The following PTPRD variants were observed in gnomAD, a reference collection of about 807,000 sequenced individuals.
PTPRD encodes the protein receptor-type tyrosine-protein phosphatase delta.
A neutral mutation model predicts 214.5 loss-of-function variants in PTPRD; 34 were observed. The observed-to-expected ratio is 0.16, with a 90% CI of 0.12 to 0.21. PTPRD has a LOEUF of 0.21. Ranked by LOEUF, PTPRD falls within the 10% of genes least tolerant of loss-of-function variation. The pLI is 1.00. For synonymous variants in PTPRD, 1,128 were observed against 845.7 expected (o/e 1.33, Z -5.79); for missense variants, 2,545 against 2,398.7 (o/e 1.06, Z -1.27).
intron 10 of PTPRD, among the ~76,000 whole-genome samples, chr9:9,139,563 CTAAG>C (rs1325955594): frequency 6.6e-6 from 1 of 152,114 alleles, no homozygotes; most frequent in Admixed American, 6.5e-5. Context: ...AGGGTGGCTA[CTAAG>C]TGACTCAGGA....
intron 10 of PTPRD, among the ~76,000 whole-genome samples, chr9:9,082,003 C>A (rs1231900243): frequency 6.6e-6 from 1 of 151,930 alleles, no homozygotes; most frequent in Non-Finnish European, 1.5e-5. Context: ...CAAGACCAGA[C>A]AGATTCACAG....
intron 3 of PTPRD, among the ~76,000 whole-genome samples, chr9:10,215,405 A>G (rs1439733986): frequency 6.6e-6 from 1 of 152,120 alleles, no homozygotes; most frequent in African/African-American, 2.4e-5. Context: ...AAATATGAAG[A>G]GCTATTCAGT....
At chr9:10,213,951 A>C (rs1401266627) in intron 3 of PTPRD, among the ~76,000 whole-genome samples, 1 of 152,086 alleles carries the variant, frequency 6.6e-6, no homozygotes, top group African/African-American at 2.4e-5. Context: ...GGAAGAAAAA[A>C]TTCTGGCTGC....
chr9:10,044,112 C>T (rs1456107507), intron 3 of PTPRD, among the ~76,000 whole-genome samples: 1 of 151,744 alleles, frequency 6.6e-6, no homozygotes. Context: ...GTTCAACACC[C>T]TGGCCATCTA....
intron 11 of PTPRD, among the ~76,000 whole-genome samples, chr9:8,879,385 T>G (rs1482417937): frequency 6.6e-6 from 1 of 152,154 alleles, no homozygotes. Context: ...ATTCATTTTT[T>G]CATTCATTCA....
intron 9 of PTPRD, among the ~76,000 whole-genome samples, chr9:9,202,100 A>G (rs1036948510): frequency 1.3e-5 from 2 of 152,198 alleles, no homozygotes; most frequent in African/African-American, 4.8e-5. Context: ...GACTTTGGAT[A>G]GTGTGTTGGG....
At chr9:9,948,651 G>T (rs1258397526) in intron 4 of PTPRD, among the ~76,000 whole-genome samples, 2 of 151,994 alleles carry the variant, frequency 1.3e-5, no homozygotes, top group African/African-American at 4.8e-5. Flanking sequence ...GGGTAAGTAT[G>T]CAATACTTAG....
Position 10,115,005 on chromosome 9 carries a change from T to C in PTPRD, c.-544-81215A>G, listed in dbSNP as rs191350075. Among the ~76,000 whole-genome samples, 442 of 151,492 alleles carry C rather than the reference T, an allele frequency of 2.9e-3. 1 individual carries two copies. Among genetic ancestry groups the C allele is most frequent in the African/African-American group, 0.01 (425 of 41,302 alleles). The stretch of plus-strand genomic sequence containing the variant: ...TTAAAGGGAGGGGTTCATCAGCTTC[T>C]TTCTTGGAGCATTACTTATTGGATA... On this transcript the variant is annotated intron_variant, in intron 3 of 45. Transcript: ENST00000381196.
chr9:9,356,706 T>A (rs868507077), intron 9 of PTPRD, among the ~76,000 whole-genome samples: 58 of 151,550 alleles, frequency 3.8e-4, no homozygotes, highest in African/African-American at 1.3e-3. Flanking sequence ...GACCCATGTT[T>A]GAGTTTCAAG....
intron 2 of PTPRD, among the ~76,000 whole-genome samples, chr9:10,610,389 GTCATGTCT>G (rs1300079282): frequency 6.6e-6 from 1 of 152,102 alleles, no homozygotes; most frequent in African/African-American, 2.4e-5. Flanking sequence ...GCACAAATCT[GTCATGTCT>G]TCTCTACTGT....
intron 2 of PTPRD, among the ~76,000 whole-genome samples, chr9:10,393,004 G>A (rs996876090): frequency 1.3e-5 from 2 of 151,670 alleles, no homozygotes; most frequent in Non-Finnish European, 2.9e-5. Flanking sequence ...TTGGGAATTT[G>A]GACTTTCCAT....
intron 12 of PTPRD, among the ~76,000 whole-genome samples, chr9:8,644,565 G>C (rs907299598): frequency 6.6e-6 from 1 of 152,166 alleles, no homozygotes; most frequent in African/African-American, 2.4e-5. Context: ...CCCCAGACCT[G>C]GGAGCTCCCC....
At chr9:10,214,714 C>T (rs1334933265) in intron 3 of PTPRD, among the ~76,000 whole-genome samples, 1 of 152,110 alleles carries the variant, frequency 6.6e-6, no homozygotes, top group African/African-American at 2.4e-5. Flanking sequence ...TGAAGAATCA[C>T]AATTCAGATA....
intron 3 of PTPRD, among the ~76,000 whole-genome samples, chr9:10,197,010 G>A (rs1038102375): frequency 2.0e-5 from 3 of 152,098 alleles, no homozygotes; most frequent in Admixed American, 6.6e-5. Flanking sequence ...AGATTTTCAG[G>A]CCCCAGAACT....
chr9:10,326,575 T>G (rs1247963639), intron 3 of PTPRD, among the ~76,000 whole-genome samples: 1 of 151,650 alleles, frequency 6.6e-6, no homozygotes, highest in Non-Finnish European at 1.5e-5. Flanking sequence ...TTTTTTACTT[T>G]CAAATTGCTT....
intron 5 of PTPRD, among the ~76,000 whole-genome samples, chr9:9,807,892 G>A (rs2045934933): frequency 1.3e-5 from 2 of 152,116 alleles, no homozygotes; most frequent in African/African-American, 4.8e-5. Flanking sequence ...TGTTTGTTCT[G>A]ATTAGAAATA....
intron 11 of PTPRD, among the ~76,000 whole-genome samples, chr9:8,919,329 G>T (rs1338625885): frequency 2.0e-5 from 3 of 150,634 alleles, no homozygotes; most frequent in South Asian, 2.1e-4. Context: ...GGGGGTGGAG[G>T]TGCAGTGAGC....
chr9:10,222,167 G>A (rs6474534), intron 3 of PTPRD, among the ~76,000 whole-genome samples: 4,219 of 152,038 alleles, frequency 0.028, 181 homozygotes, highest in African/African-American at 0.096. Flanking sequence ...AAATATATTT[G>A]TATAAAATTA....
At chr9:8,888,282 C>T (rs1239423820) in intron 11 of PTPRD, among the ~76,000 whole-genome samples, 1 of 152,030 alleles carries the variant, frequency 6.6e-6, no homozygotes, top group South Asian at 2.1e-4. Flanking sequence ...ATAGTAATAC[C>T]GTTCATTTAC....
Sources: gnomAD v4.1 joint callset for allele counts (sites outside exome capture counted in the v4.1 genomes callset) on GRCh38, gnomAD v4.1.1 for gene constraint, MANE v1.5 for transcripts, NCBI Gene and HGNC (gene_info 2026-07-23, HGNC 2026-07-21) for gene names.